The following PARVB variants were observed in gnomAD, a reference collection of about 807,000 sequenced individuals.
The protein encoded by PARVB is beta-parvin.
A neutral mutation model predicts 47.0 loss-of-function variants in PARVB; 46 were observed. The ratio of observed to expected loss-of-function variants is 0.98; its 90% CI spans 0.77 to 1.25. The LOEUF is 1.25. Ranked by LOEUF, PARVB falls within the 50% of genes most tolerant of loss-of-function variation. The pLI is 0.00. For missense variants in PARVB, 473 were observed against 471.6 expected (o/e 1.00, Z -0.03); for synonymous variants, 196 against 196.3 (o/e 1.00, Z 0.01).
intron 1 of PARVB, among the ~76,000 whole-genome samples, chr22:44,093,200 T>C (rs2052214540): frequency 6.6e-6 from 1 of 152,192 alleles, no homozygotes; most frequent in African/African-American, 2.4e-5. Context: ...TATTCCTCCC[T>C]GGTGGATGTG....
intron 12 of PARVB, among the ~76,000 whole-genome samples, chr22:44,167,134 C>A (rs542973150): frequency 6.6e-6 from 1 of 152,108 alleles, no homozygotes; most frequent in South Asian, 2.1e-4. Context: ...GGCCCCCTGC[C>A]CCCTTGTGGG....
At chr22:44,152,747 T>C (rs755346766) in intron 10 of PARVB, 2 of 152,156 alleles carry the variant, frequency 1.3e-5, no homozygotes, top group Non-Finnish European at 2.9e-5. Context: ...AGACAAAATA[T>C]GATTTTCCCA....
intron 6 of PARVB, among the ~76,000 whole-genome samples, chr22:44,135,153 G>T (rs1429231874): frequency 6.6e-6 from 1 of 152,224 alleles, no homozygotes; most frequent in Non-Finnish European, 1.5e-5. Context: ...GTCCCTTGAG[G>T]GGTTCAGTGG....
chr22:44,119,852 C>T lies in PARVB; in HGVS notation c.376+712C>T, dbSNP rs373602383. On this transcript the variant is annotated intron_variant, in intron 4 of 12. Coordinates refer to ENST00000338758, the MANE Select transcript of PARVB (RefSeq NM_013327.5). ...TGCCGCAGGTTCTGAGTAGAGGACG[C>T]CGGCCTGGCCTGGGGGTGGGGCGGC... 42 of 531,734 alleles carry T rather than the reference C, an allele frequency of 7.9e-5. No homozygotes were observed. In the East Asian group the frequency reaches 1.1e-3, roughly 14 times the overall value. The allele number at this position is 531,734 out of a possible 1,614,324, so 32.9% of individuals were successfully genotyped here.
chr22:44,155,787 T>C lies in PARVB; in HGVS notation c.844-2195T>C, dbSNP rs190241680. 3.2e-3 allele frequency among the ~76,000 whole-genome samples: 491 copies of C among 152,294 alleles called. 2 individuals carry two copies. The highest frequency in any genetic ancestry group is 0.011 in the African/African-American group (470 of 41,580). On this transcript the variant is annotated intron_variant, in intron 10 of 12. Coordinates refer to ENST00000338758, the MANE Select transcript of PARVB (RefSeq NM_013327.5). The surrounding 1 kb of genome is among the most constrained non-coding windows in gnomAD (Gnocchi z 4.8). ...TGATCTCCTTAATGATAGGAGTGGC[T>C]GGCTGCTTTGTGGTGTGGAAGGCTG...
At chr22:44,039,888 C>G (rs751817609) in intron 1 of PARVB, 3 of 455,226 alleles carry the variant, frequency 6.6e-6, no homozygotes, top group South Asian at 4.7e-5. Flanking sequence ...AGTCATAGCT[C>G]ACTGCAGCCT....
chr22:44,008,406 G>T (rs547573234), intron 2 of PARVB, among the ~76,000 whole-genome samples: 12 of 151,970 alleles, frequency 7.9e-5, no homozygotes, highest in Admixed American at 4.6e-4. Flanking sequence ...CACCACGCGC[G>T]GTCTAGAGAC....
In PARVB at chr22:44,167,466, G is replaced by C. The variant is rs549300740; in HGVS notation, c.1019-1136G>C. On this transcript the variant is annotated intron_variant, in intron 12 of 12. Transcript: ENST00000338758. ...CTGCTGCGTGGGGGCATCGGTGTCAGGCTGCTGCTCTGGTCTCCCTGTGAG... is the reference window on the plus strand; with the variant it reads ...CTGCTGCGTGGGGGCATCGGTGTCACGCTGCTGCTCTGGTCTCCCTGTGAG... Among the ~76,000 whole-genome samples the C allele has an allele frequency of 9.8e-4, 149 of 152,258 alleles. 1 individual carries two copies. The Middle Eastern group carries it at 0.017, about 17-fold the overall frequency.
intron 4 of PARVB, chr22:44,119,914 C>A: frequency 2.0e-6 from 1 of 507,292 alleles, no homozygotes; most frequent in East Asian, 5.7e-5. Flanking sequence ...GAAGAGTTGC[C>A]AGGCAAAGAA....
chr22:44,034,222 ATATT>A (rs1334981268), intron 1 of PARVB, among the ~76,000 whole-genome samples: 4 of 149,918 alleles, frequency 2.7e-5, no homozygotes, highest in Non-Finnish European at 5.9e-5. Flanking sequence ...TAAAGAATAT[ATATT>A]CTTTATACAT....
chr22:44,036,526 T>C (rs142372501), intron 1 of PARVB, among the ~76,000 whole-genome samples: 1 of 152,316 alleles, frequency 6.6e-6, no homozygotes, highest in Non-Finnish European at 1.5e-5. Context: ...TTTTTTCAAA[T>C]TGTCACAAAT....
At chr22:44,084,068 C>T (rs2051969460) in intron 1 of PARVB, among the ~76,000 whole-genome samples, 1 of 152,222 alleles carries the variant, frequency 6.6e-6, no homozygotes, top group Non-Finnish European at 1.5e-5. Context: ...CGATCTGGTG[C>T]CTTCATCTCC....
intron 2 of PARVB, among the ~76,000 whole-genome samples, chr22:44,002,810 T>G (rs1569043189): frequency 6.6e-6 from 1 of 152,096 alleles, no homozygotes; most frequent in Non-Finnish European, 1.5e-5. Flanking sequence ...AAAAATGCTT[T>G]GCCCGAAAGT....
At position 44,051,326 on chromosome 22, in the gene PARVB, G is replaced by A. The variant is rs142692826; in HGVS notation, c.112+26875G>A. 8.5e-5 allele frequency among the ~76,000 whole-genome samples: 13 copies of A among 152,296 alleles called. 1 individual carries two copies. The highest frequency in any genetic ancestry group is 2.9e-4 in the African/African-American group (12 of 41,560). On this transcript the variant is annotated intron_variant, in intron 1 of 12. Transcript: ENST00000338758. ...TCACCCCGTCTGTTTGTAGGCGCTG[G>A]GGGGATTGATGATGAGGTGGGGACT...
At chr22:44,088,329 G>C (rs1337278624) in intron 1 of PARVB, among the ~76,000 whole-genome samples, 2 of 152,200 alleles carry the variant, frequency 1.3e-5, no homozygotes, top group East Asian at 1.9e-4. Flanking sequence ...CGGCCAGTAA[G>C]ATGAGGTTGA....
At chr22:44,122,314 G>C (rs1787929537) in intron 4 of PARVB, among the ~76,000 whole-genome samples, 1 of 151,982 alleles carries the variant, frequency 6.6e-6, no homozygotes, top group African/African-American at 2.4e-5. Flanking sequence ...AACATAGTGG[G>C]ACCTCGTCTC....
At chr22:44,148,014 GT>G in intron 9 of PARVB, 92 bp downstream of exon 9, 1 of 967,962 alleles carries the variant, frequency 1.0e-6, no homozygotes, top group Admixed American at 1.9e-5. Flanking sequence ...GTGGGAAAAT[GT>G]TTGGAATCTC....
chr22:44,096,090 T>G (rs544926017), intron 2 of PARVB, among the ~76,000 whole-genome samples: 4 of 152,320 alleles, frequency 2.6e-5, no homozygotes, highest in Admixed American at 2.6e-4. Flanking sequence ...CTGAGTGTGG[T>G]GGCAAACACC....
rs1038415330 is a variant in PARVB, at chr22:44,014,084, A to G, written c.211+14411A>G. On this transcript the variant is annotated intron_variant, in intron 2 of 13. Coordinates refer to the PARVB transcript ENST00000406477. ...AAGAAAAGAAGAGAAAAAGATCCAC[A>G]TGTAAGTGGACCTGCACAGTTCCAG... 2.0e-5 allele frequency among the ~76,000 whole-genome samples: 3 copies of G among 152,326 alleles called. 1 individual carries two copies. In the East Asian group the frequency reaches 5.8e-4, roughly 29 times the overall value.
Sources: gnomAD v4.1 joint callset for allele counts (sites outside exome capture counted in the v4.1 genomes callset) on GRCh38, gnomAD v4.1.1 for gene constraint, Gnocchi (gnomAD v3.1) non-coding constraint, MANE v1.5 for transcripts, NCBI Gene and HGNC (gene_info 2026-07-23, HGNC 2026-07-21) for gene names.